PPP1R1C: variants seen among roughly 807,000 people sequenced by gnomAD.
The protein encoded by PPP1R1C is protein phosphatase 1 regulatory subunit 1C.
Under a neutral mutation model 17.4 loss-of-function variants are expected in PPP1R1C, and 15 were observed. That is an observed-to-expected ratio of 0.86 (90% CI 0.58 to 1.33). The LOEUF is 1.33. PPP1R1C is among the 40% of genes most tolerant of loss of function. PPP1R1C has a pLI of 0.00. For missense variants in PPP1R1C, 143 were observed against 130.0 expected, an observed-to-expected ratio of 1.10 and a Z score of -0.48; for synonymous variants, 35 against 43.1, an observed-to-expected ratio of 0.81 and a Z score of 0.73.
intron 4 of PPP1R1C, among the ~76,000 whole-genome samples, chr2:182,096,219 G>A (rs977511231): frequency 6.6e-6 from 1 of 152,152 alleles, no homozygotes; most frequent in East Asian, 1.9e-4. Flanking sequence ...AAAAACGGGG[G>A]AATTTAGCAA....
rs776406166 is a variant in PPP1R1C at position 181,961,114 on chromosome 2, T to C, written n.111+6480T>C. ...TGTCACATCATCATAGCAGTTTTCT[T>C]GTCTTCCTTCCCTCCCTTCCTTCCT... On this transcript the variant is annotated intron_variant and non_coding_transcript_variant, in intron 1 of 5. Coordinates refer to the PPP1R1C transcript ENST00000464264. This position sits in a 1 kb window ranked among gnomAD's most constrained non-coding sequence, Gnocchi z 5.8. 6 of 593,360 alleles carry C rather than the reference T, an allele frequency of 1.0e-5. No individual in the cohort carries two copies. The highest frequency in any genetic ancestry group is 1.8e-5 in the Non-Finnish European group (6 of 329,520). 36.8% of individuals were successfully genotyped at this position (593,360 alleles called of 1,614,324 possible).
chr2:181,965,540 T>C (rs1194699494), intron 1 of PPP1R1C, among the ~76,000 whole-genome samples: 3 of 152,214 alleles, frequency 2.0e-5, no homozygotes, highest in African/African-American at 7.2e-5. Flanking sequence ...CCTGGCACCA[T>C]TTATTGAAGA....
At chr2:182,122,761 T>C (rs944340502) in intron 5 of PPP1R1C, among the ~76,000 whole-genome samples, 1 of 152,152 alleles carries the variant, frequency 6.6e-6, no homozygotes, top group Admixed American at 6.6e-5. Flanking sequence ...ATAAATCAAG[T>C]AGGTGAAGTG....
chr2:182,073,197 A>C (rs924710395), intron 4 of PPP1R1C, among the ~76,000 whole-genome samples: 8 of 151,912 alleles, frequency 5.3e-5, no homozygotes, highest in Admixed American at 2.0e-4. Context: ...CTGAGAATGC[A>C]TTTTATATAC....
At chr2:182,086,169 A>G (rs1436398620) in intron 4 of PPP1R1C, among the ~76,000 whole-genome samples, 1 of 152,142 alleles carries the variant, frequency 6.6e-6, no homozygotes, top group Non-Finnish European at 1.5e-5. Context: ...ACTAGAAAAG[A>G]AGTAGAAAAA....
intron 4 of PPP1R1C, among the ~76,000 whole-genome samples, chr2:182,110,926 G>T (rs1031902111): frequency 6.6e-6 from 1 of 151,970 alleles, no homozygotes; most frequent in African/African-American, 2.4e-5. Flanking sequence ...AGAAAAATGG[G>T]CACTAGAGGG....
intron 1 of PPP1R1C, among the ~76,000 whole-genome samples, chr2:181,965,350 T>C (rs902551522): frequency 2.5e-4 from 38 of 152,240 alleles, no homozygotes; most frequent in Non-Finnish European, 7.3e-5. Context: ...GCTTGTCAGA[T>C]ATTACTCAAG....
At chr2:182,076,107 T>C (rs1688289788) in intron 4 of PPP1R1C, among the ~76,000 whole-genome samples, 1 of 151,018 alleles carries the variant, frequency 6.6e-6, no homozygotes, top group Non-Finnish European at 1.5e-5. Flanking sequence ...ACTCTGTGAT[T>C]GTAGGAATTA....
At chr2:182,029,720 T>A (rs1460123309) in intron 2 of PPP1R1C, among the ~76,000 whole-genome samples, 1 of 108,050 alleles carries the variant, frequency 9.3e-6, no homozygotes, top group Non-Finnish European at 1.8e-5. Context: ...GGAGTATCTT[T>A]GTGGCGTTCT....
chr2:182,024,916 T>C (rs1394201129), intron 2 of PPP1R1C, among the ~76,000 whole-genome samples: 1 of 148,516 alleles, frequency 6.7e-6, no homozygotes, highest in Non-Finnish European at 1.5e-5. Context: ...TCGTGGATAG[T>C]AGAAATCCAT....
rs554078318 is a variant in PPP1R1C, at chr2:181,976,148, C to T, written n.157+884C>T. Among the ~76,000 whole-genome samples the T allele has an allele frequency of 3.3e-5, 5 of 152,104 alleles. No individual in the cohort carries two copies. Among genetic ancestry groups the T allele is most frequent in the African/African-American group, 1.2e-4 (5 of 41,534 alleles). ...CACCATCCAGAGACAACCCCATTAA[C>T]ATCTCAGAATATATTCTTCCAAACA... On this transcript the variant is annotated intron_variant and non_coding_transcript_variant, in intron 2 of 5. Coordinates refer to the PPP1R1C transcript ENST00000464264. This position sits in a 1 kb window ranked among gnomAD's most constrained non-coding sequence, Gnocchi z 4.8.
Position 181,973,496 on chromosome 2 carries a change from T to C in PPP1R1C, n.112-1723T>C, listed in dbSNP as rs184913038. 2.4e-3 allele frequency among the ~76,000 whole-genome samples: 360 copies of C among 152,316 alleles called. 1 individual carries two copies. The highest frequency in any genetic ancestry group is 8.0e-3 in the African/African-American group (331 of 41,580). ...AACTCAGAGAACATATACAAAGTAC[T>C]AAATGTGTGTATACCATTTACATAG... On this transcript the variant is annotated intron_variant and non_coding_transcript_variant, in intron 1 of 5. Transcript: ENST00000464264.
chr2:182,035,752 C>T (rs1049461097), intron 2 of PPP1R1C, among the ~76,000 whole-genome samples: 2 of 152,166 alleles, frequency 1.3e-5, no homozygotes, highest in Non-Finnish European at 2.9e-5. Flanking sequence ...CCTCCTCAGC[C>T]ATGCCTCCTG....
Position 181,967,931 on chromosome 2 carries a change from T to A in PPP1R1C, n.112-7288T>A, listed in dbSNP as rs552459995. ...GATTTCTTCATGTTGGTCAAGCTGG[T>A]CTCAAACTCCCAATCTCAGGTGATC... On this transcript the variant is annotated intron_variant and non_coding_transcript_variant, in intron 1 of 5. Coordinates refer to the PPP1R1C transcript ENST00000464264. This position sits in a 1 kb window ranked among gnomAD's most constrained non-coding sequence, Gnocchi z 5.5. 2.6e-5 allele frequency among the ~76,000 whole-genome samples: 4 copies of A among 152,306 alleles called. No homozygotes were observed. The South Asian group carries it at 6.2e-4, about 24-fold the overall frequency.
downstream of PPP1R1C, among the ~76,000 whole-genome samples, chr2:182,119,210 C>T (rs1689668016): frequency 6.6e-6 from 1 of 151,972 alleles, no homozygotes; most frequent in South Asian, 2.1e-4. Context: ...CCAGCTTTAT[C>T]CATGTCCCTA....
chr2:182,121,828 A>T (rs552318662), downstream of PPP1R1C, among the ~76,000 whole-genome samples: 1 of 152,286 alleles, frequency 6.6e-6, no homozygotes, highest in African/African-American at 2.4e-5. Context: ...GAATAACTCC[A>T]GTTCCAAGCC....
At chr2:182,059,578 T>C (rs1191511708) in intron 2 of PPP1R1C, among the ~76,000 whole-genome samples, 1 of 152,140 alleles carries the variant, frequency 6.6e-6, no homozygotes, top group Non-Finnish European at 1.5e-5. Flanking sequence ...GCTTCCGTTG[T>C]ACCTTTGTCT....
intron 2 of PPP1R1C, among the ~76,000 whole-genome samples, chr2:181,978,743 G>A (rs1176094563): frequency 6.6e-6 from 1 of 152,082 alleles, no homozygotes; most frequent in Non-Finnish European, 1.5e-5. Flanking sequence ...GTTTACATAT[G>A]AGTCACTTAG....
intron 3 of PPP1R1C, among the ~76,000 whole-genome samples, chr2:182,062,011 T>C (rs569328053): frequency 2.6e-5 from 4 of 152,174 alleles, no homozygotes; most frequent in Non-Finnish European, 5.9e-5. Context: ...CATACATGTG[T>C]AGGAGTTTAT....
Sources: allele counts gnomAD v4.1 joint callset (sites outside exome capture counted in the v4.1 genomes callset), GRCh38; gene constraint gnomAD v4.1.1; non-coding constraint Gnocchi (gnomAD v3.1); transcripts MANE v1.5; gene names NCBI Gene and HGNC (gene_info 2026-07-23, HGNC 2026-07-21).